The following LUZP2 variants were observed in gnomAD, a reference collection of about 807,000 sequenced individuals.
The protein encoded by LUZP2 is leucine zipper protein 2.
A neutral mutation model predicts 51.6 loss-of-function variants in LUZP2; 52 were observed. That is an observed-to-expected ratio of 1.01 (90% confidence interval 0.81 to 1.27). The LOEUF (loss-of-function observed/expected upper bound fraction) is 1.27, where lower values mean the gene tolerates loss of function less well. Ranked by LOEUF, LUZP2 falls within the 50% of genes most tolerant of loss-of-function variation. The probability of loss-of-function intolerance (pLI) is 0.00; values close to 1 mark genes in which losing one functional copy is unlikely to be tolerated. For synonymous variants in LUZP2, 154 were observed against 137.3 expected, an observed-to-expected ratio of 1.12 and a Z score of -0.85; for missense variants, 436 against 395.4, an observed-to-expected ratio of 1.10 and a Z score of -0.87.
chr11:25,029,107 A>G (rs1857576350), intron 9 of LUZP2, among the ~76,000 whole-genome samples: 2 of 152,156 alleles, frequency 1.3e-5, no homozygotes, highest in African/African-American at 4.8e-5. Context: ...CCTGGTGGGT[A>G]GGAGGAGATG....
rs1394650011 is a variant in LUZP2, at chr11:24,914,863, G to A, written c.522+325G>A. ...AAAGGTAGATCATACAAGGACTTTT[G>A]AATCTTTTAAATTTATTTTTCAAAT... On this transcript the variant is annotated intron_variant, in intron 7 of 11. Coordinates refer to ENST00000336930, the MANE Select transcript of LUZP2 (RefSeq NM_001009909.4). Among the ~76,000 whole-genome samples, 4 of 152,036 alleles carry A rather than the reference G, an allele frequency of 2.6e-5. No homozygotes were observed. In the East Asian group the frequency reaches 7.7e-4, roughly 29 times the overall value.
At chr11:24,729,140 G>A (rs367766211) in intron 1 of LUZP2, 29 bp from the exon 2 acceptor site, 8 of 1,226,570 alleles carry the variant, frequency 6.5e-6, no homozygotes, top group African/African-American at 6.1e-5. Context: ...CCATTTGGGG[G>A]GCTCTCATGC....
chr11:24,609,619 A>G (rs1854047758), intron 1 of LUZP2, among the ~76,000 whole-genome samples: 1 of 150,136 alleles, frequency 6.7e-6, no homozygotes, highest in Non-Finnish European at 1.5e-5. Flanking sequence ...AATCCCAGCT[A>G]CTCGGAAGGC....
chr11:24,752,566 T>C (rs906583405), intron 4 of LUZP2, among the ~76,000 whole-genome samples: 4 of 152,034 alleles, frequency 2.6e-5, no homozygotes, highest in Non-Finnish European at 5.9e-5. Flanking sequence ...GAGGGGAAAA[T>C]ATGATTGGAG....
At chr11:24,718,439 T>A (rs1858138908) in intron 1 of LUZP2, among the ~76,000 whole-genome samples, 1 of 152,144 alleles carries the variant, frequency 6.6e-6, no homozygotes, top group East Asian at 1.9e-4. Context: ...AGAGTGGGAA[T>A]TTGGAGTGTC....
At chr11:24,899,513 A>AG (rs750022086) in intron 5 of LUZP2, among the ~76,000 whole-genome samples, 17 of 152,112 alleles carry the variant, frequency 1.1e-4, no homozygotes, top group Non-Finnish European at 1.9e-4. Flanking sequence ...AGATATCGCC[A>AG]GACTATATAA....
intron 7 of LUZP2, among the ~76,000 whole-genome samples, chr11:24,949,872 G>A (rs796977736): frequency 1.3e-5 from 2 of 151,624 alleles, no homozygotes; most frequent in African/African-American, 4.8e-5. Flanking sequence ...TGACAAAGGA[G>A]AAATCAGCTT....
chr11:25,027,822 A>G (rs1252166865), intron 9 of LUZP2, among the ~76,000 whole-genome samples: 1 of 151,236 alleles, frequency 6.6e-6, no homozygotes, highest in Non-Finnish European at 1.5e-5. Flanking sequence ...GTGAGCTGAG[A>G]TCACGCCACT....
intron 5 of LUZP2, among the ~76,000 whole-genome samples, chr11:24,847,194 C>T (rs1851228182): frequency 6.6e-6 from 1 of 151,924 alleles, no homozygotes; most frequent in Non-Finnish European, 1.5e-5. Context: ...ATGAAATCAG[C>T]ATTGTATATA....
chr11:24,785,361 A>C (rs775033274), intron 5 of LUZP2, among the ~76,000 whole-genome samples: 8 of 152,040 alleles, frequency 5.3e-5, no homozygotes, highest in Non-Finnish European at 1.0e-4. Flanking sequence ...TAGCAGGTGG[A>C]TTTATGATTA....
chr11:24,663,398 C>T (rs1278078272), intron 1 of LUZP2, among the ~76,000 whole-genome samples: 1 of 152,106 alleles, frequency 6.6e-6, no homozygotes, highest in Non-Finnish European at 1.5e-5. Flanking sequence ...CTGAGGCATC[C>T]CAACCATGCT....
rs1042017188 is a variant in LUZP2, at chr11:25,010,074, A to G, written c.765+26781A>G. Among the ~76,000 whole-genome samples the G allele has an allele frequency of 2.6e-4, 40 of 152,210 alleles. 1 individual carries two copies. The highest frequency in any genetic ancestry group is 1.5e-3 in the Admixed American group (23 of 15,272). The stretch of plus-strand genomic sequence containing the variant: ...TTCTCTTTGTCAATCCCCATGTGGT[A>G]CCATTCCAGAATTTCCTAGCTTACA... On this transcript the variant is annotated intron_variant, in intron 9 of 11. Coordinates refer to ENST00000336930, the MANE Select transcript of LUZP2 (RefSeq NM_001009909.4).
intron 7 of LUZP2, among the ~76,000 whole-genome samples, chr11:24,941,973 T>C (rs1854763700): frequency 6.6e-6 from 1 of 152,108 alleles, no homozygotes; most frequent in Admixed American, 6.6e-5. Flanking sequence ...TTTTGCCTCT[T>C]CTAGAACATC....
chr11:24,849,103 G>C (rs1035759310), intron 5 of LUZP2, among the ~76,000 whole-genome samples: 2 of 149,620 alleles, frequency 1.3e-5, no homozygotes, highest in Non-Finnish European at 3.0e-5. Context: ...TTAAAAATTA[G>C]TTTCTGTGAC....
At chr11:24,881,638 C>A (rs2134295443) in intron 5 of LUZP2, among the ~76,000 whole-genome samples, 2 of 151,946 alleles carry the variant, frequency 1.3e-5, no homozygotes, top group Middle Eastern at 6.8e-3. Context: ...GAGTAGAAGT[C>A]CAAATGTTGG....
At position 24,906,377 on chromosome 11, in the gene LUZP2, T is replaced by TCC. The variant is rs779125231; in HGVS notation, c.459+327_459+328dup. On this transcript the variant is annotated intron_variant, in intron 6 of 11. Coordinates refer to ENST00000336930, the MANE Select transcript of LUZP2 (RefSeq NM_001009909.4). ...AGTCCATAAAATTTCCTTTTTTTTT[T>TCC]CCCCTCTCTTGTACTTTCTATGTGA... Among the ~76,000 whole-genome samples, 18 of 152,054 alleles carry TCC rather than the reference T, an allele frequency of 1.2e-4. No individual in the cohort carries two copies. In the East Asian group the frequency reaches 3.5e-3, roughly 29 times the overall value.
chr11:24,500,705 T>G (rs1176506428), intron 1 of LUZP2, among the ~76,000 whole-genome samples: 2 of 152,090 alleles, frequency 1.3e-5, no homozygotes, highest in Non-Finnish European at 2.9e-5. Flanking sequence ...GAGAGAGACA[T>G]GGCAGGGGAG....
chr11:24,616,049 T>A (rs978590064), intron 1 of LUZP2, among the ~76,000 whole-genome samples: 1 of 151,682 alleles, frequency 6.6e-6, no homozygotes, highest in Non-Finnish European at 1.5e-5. Context: ...TTTTGAGAGC[T>A]CTTTATATAC....
At chr11:24,636,029 T>C (rs1855094502) in intron 1 of LUZP2, among the ~76,000 whole-genome samples, 2 of 152,146 alleles carry the variant, frequency 1.3e-5, no homozygotes, top group Non-Finnish European at 1.5e-5. Flanking sequence ...GAACTTCTGA[T>C]TATTGTCAGT....
Sources: allele counts gnomAD v4.1 joint callset (sites outside exome capture counted in the v4.1 genomes callset), GRCh38; gene constraint gnomAD v4.1.1; transcripts MANE v1.5; gene names NCBI Gene and HGNC (gene_info 2026-07-23, HGNC 2026-07-21).